LUZP2: variants seen among roughly 807,000 people sequenced by gnomAD.
LUZP2 encodes the protein leucine zipper protein 2.
Under a neutral mutation model 51.6 loss-of-function variants are expected in LUZP2, and 52 were observed. The observed-to-expected ratio is 1.01, with a 90% confidence interval of 0.81 to 1.27. The LOEUF is 1.27. Among genes scored for constraint, LUZP2 ranks in the 50% most tolerant of loss-of-function variants. The probability of loss-of-function intolerance (pLI) is 0.00; values close to 1 mark genes in which losing one functional copy is unlikely to be tolerated. For synonymous variants in LUZP2, 154 were observed against 137.3 expected (o/e 1.12, Z -0.85); for missense variants, 436 against 395.4 (o/e 1.10, Z -0.87).
chr11:24,505,232 T>C (rs1021293258), intron 1 of LUZP2, among the ~76,000 whole-genome samples: 2 of 152,086 alleles, frequency 1.3e-5, no homozygotes, highest in African/African-American at 4.8e-5. Flanking sequence ...ATTCAAAACA[T>C]ACTGTTACCA....
intron 1 of LUZP2, among the ~76,000 whole-genome samples, chr11:24,561,614 T>C (rs1852043385): frequency 6.6e-6 from 1 of 152,032 alleles, no homozygotes; most frequent in African/African-American, 2.4e-5. Context: ...TAAGTGGTAG[T>C]TGAACAACGA....
intron 1 of LUZP2, among the ~76,000 whole-genome samples, chr11:24,696,373 T>C (rs1857247189): frequency 6.6e-6 from 1 of 152,128 alleles, no homozygotes; most frequent in Non-Finnish European, 1.5e-5. Flanking sequence ...TTGTTATTTT[T>C]CTCCTTTATA....
At chr11:24,816,842 TCA>T (rs986114258) in intron 5 of LUZP2, among the ~76,000 whole-genome samples, 1 of 152,112 alleles carries the variant, frequency 6.6e-6, no homozygotes, top group African/African-American at 2.4e-5. Flanking sequence ...GGAGTGATTT[TCA>T]CATTCTTTTT....
chr11:24,991,360 A>ATATG (rs1308769189), intron 9 of LUZP2, among the ~76,000 whole-genome samples: 23 of 134,766 alleles, frequency 1.7e-4, no homozygotes, highest in Non-Finnish European at 3.1e-4. Flanking sequence ...GTATATATAT[A>ATATG]TGTGTGTGTA....
In LUZP2 at chr11:24,918,132, T is replaced by C. The variant is rs1456032220; in HGVS notation, c.522+3594T>C. Among the ~76,000 whole-genome samples the C allele has an allele frequency of 2.0e-5, 3 of 152,208 alleles. No homozygotes were observed. The South Asian group carries it at 6.2e-4, about 32-fold the overall frequency. ...GGAGTTCACTCATGATTTGGCTCTCTGTTTGTCTGTTATTGGTGTATAAGA... is the reference window on the plus strand; with the variant it reads ...GGAGTTCACTCATGATTTGGCTCTCCGTTTGTCTGTTATTGGTGTATAAGA... On this transcript the variant is annotated intron_variant, in intron 7 of 11. Transcript: ENST00000336930.
chr11:24,809,990 GGT>G (rs1849970008), intron 5 of LUZP2, among the ~76,000 whole-genome samples: 1 of 152,108 alleles, frequency 6.6e-6, no homozygotes, highest in Admixed American at 6.6e-5. Flanking sequence ...GAAGTCCAGA[GGT>G]GTGTTTTCCC....
intron 1 of LUZP2, among the ~76,000 whole-genome samples, chr11:24,623,679 C>G (rs559536586): frequency 1.3e-5 from 2 of 152,076 alleles, no homozygotes; most frequent in Non-Finnish European, 2.9e-5. Context: ...AACCCCCTCT[C>G]TACTAAAAAT....
In LUZP2 at chr11:25,065,496, T is replaced by C. The variant is rs144262639; in HGVS notation, c.859-11833T>C. Among the ~76,000 whole-genome samples the C allele has an allele frequency of 7.4e-3, 1,119 of 152,054 alleles. 3 individuals carry two copies. The highest frequency in any genetic ancestry group is 0.014 in the Middle Eastern group (4 of 294). On this transcript the variant is annotated intron_variant, in intron 10 of 11. Coordinates refer to ENST00000336930, the MANE Select transcript of LUZP2 (RefSeq NM_001009909.4). ...CATTTTAAAAATACGAAAATTGAGA[T>C]TGAGGAAAATTGAGTAATCCAAGGC...
At chr11:24,758,324 C>CAT (rs1554986155) in intron 4 of LUZP2, among the ~76,000 whole-genome samples, 1 of 148,122 alleles carries the variant, frequency 6.8e-6, no homozygotes, top group East Asian at 2.0e-4. Flanking sequence ...GAATGACTTG[C>CAT]GTGTGTGTGT....
At chr11:24,914,979 A>C (rs1853748641) in intron 7 of LUZP2, among the ~76,000 whole-genome samples, 2 of 152,184 alleles carry the variant, frequency 1.3e-5, no homozygotes, top group African/African-American at 4.8e-5. Context: ...TTGAATATAG[A>C]TTAGTAATGC....
intron 5 of LUZP2, among the ~76,000 whole-genome samples, chr11:24,797,374 T>C (rs1194336950): frequency 6.6e-6 from 1 of 152,214 alleles, no homozygotes; most frequent in Admixed American, 6.5e-5. Context: ...TAACCTTTTC[T>C]TGAATACCTA....
intron 5 of LUZP2, among the ~76,000 whole-genome samples, chr11:24,864,326 C>T (rs1207247566): frequency 6.6e-6 from 1 of 152,038 alleles, no homozygotes; most frequent in Non-Finnish European, 1.5e-5. Flanking sequence ...AAAGGCATTA[C>T]AGAATTTTGA....
chr11:24,564,006 C>T (rs1590184912), intron 1 of LUZP2, among the ~76,000 whole-genome samples: 1 of 152,128 alleles, frequency 6.6e-6, no homozygotes, highest in African/African-American at 2.4e-5. Flanking sequence ...TGCCCAAGGT[C>T]AGAGTTACAG....
At chr11:25,005,751 G>A (rs374129758) in intron 9 of LUZP2, among the ~76,000 whole-genome samples, 96 of 152,082 alleles carry the variant, frequency 6.3e-4, no homozygotes, top group African/African-American at 3.6e-4. Context: ...GAGGAAGGTC[G>A]GATTTAGTGG....
intron 10 of LUZP2, among the ~76,000 whole-genome samples, chr11:25,062,546 C>T (rs1008764943): frequency 2.8e-5 from 4 of 141,952 alleles, no homozygotes; most frequent in Non-Finnish European, 4.6e-5. Flanking sequence ...GCTATCATCA[C>T]GCCAGTGCAC....
intron 1 of LUZP2, among the ~76,000 whole-genome samples, chr11:24,668,519 C>T (rs946769740): frequency 6.6e-6 from 1 of 152,152 alleles, no homozygotes; most frequent in Non-Finnish European, 1.5e-5. Flanking sequence ...TTTTACTCCA[C>T]TATCACTTGA....
rs1043070856 is a variant in LUZP2 at position 24,918,647 on chromosome 11, AAT to A, written c.522+4110_522+4111del. 1.3e-4 allele frequency among the ~76,000 whole-genome samples: 20 copies of A among 151,728 alleles called. 1 individual carries two copies. The highest frequency in any genetic ancestry group is 4.8e-4 in the African/African-American group (20 of 41,436). ...GACAAATGTAATTCTTTAAAAAAAA[AAT>A]CCTAAATATTATTTATCATTGAAGA... On this transcript the variant is annotated intron_variant, in intron 7 of 11. Transcript: ENST00000336930.
chr11:24,566,932 TATATATAC>T (rs1564995549), intron 1 of LUZP2, among the ~76,000 whole-genome samples: 3 of 2,282 alleles, frequency 1.3e-3, no homozygotes, highest in Non-Finnish European at 2.6e-3. Context: ...TATATGTATA[TATATATAC>T]ATAAATATAT....
At chr11:24,751,735 G>A (rs1859596613) in intron 4 of LUZP2, among the ~76,000 whole-genome samples, 1 of 151,314 alleles carries the variant, frequency 6.6e-6, no homozygotes, top group African/African-American at 2.4e-5. Context: ...ATCAGATAAG[G>A]GCTAAAATGA....
Sources: allele counts gnomAD v4.1 joint callset (sites outside exome capture counted in the v4.1 genomes callset), GRCh38; gene constraint gnomAD v4.1.1; transcripts MANE v1.5; gene names NCBI Gene and HGNC (gene_info 2026-07-23, HGNC 2026-07-21).